CYFIP2: variants seen among roughly 807,000 people sequenced by gnomAD.
CYFIP2 encodes cytoplasmic FMR1-interacting protein 2.
In CYFIP2, 29 loss-of-function variants were observed where a neutral mutation model predicts 158.7. That is an observed-to-expected ratio of 0.18 (90% CI 0.14 to 0.25). The LOEUF (loss-of-function observed/expected upper bound fraction) is 0.25. CYFIP2 is among the 10% of genes least tolerant of loss of function. The pLI is 1.00. For synonymous variants in CYFIP2, 585 were observed against 617.6 expected, an observed-to-expected ratio of 0.95 and a Z score of 0.78; for missense variants, 852 against 1,639.5, an observed-to-expected ratio of 0.52 and a Z score of 8.29.
chr5:157,345,995 G>A (rs1762660181), intron 23 of CYFIP2, among the ~76,000 whole-genome samples: 1 of 152,166 alleles, frequency 6.6e-6, no homozygotes, highest in Non-Finnish European at 1.5e-5. Context: ...AACCAAAGCA[G>A]TAATATTCAT....
chr5:157,301,239 A>G (rs1301607951), intron 6 of CYFIP2, among the ~76,000 whole-genome samples: 1 of 152,258 alleles, frequency 6.6e-6, no homozygotes, highest in Non-Finnish European at 1.5e-5. Flanking sequence ...ATTTTCTGCA[A>G]GAATCATAAA....
intron 30 of CYFIP2, 98 bp from the exon 31 acceptor site, chr5:157,392,735 A>G: frequency 7.5e-7 from 1 of 1,336,000 alleles, no homozygotes; most frequent in Non-Finnish European, 1.0e-6. Flanking sequence ...ATGATCACTG[A>G]TGCAGGGGAC....
intron 23 of CYFIP2, among the ~76,000 whole-genome samples, chr5:157,352,745 C>G (rs890911124): frequency 2.0e-5 from 3 of 152,164 alleles, no homozygotes; most frequent in African/African-American, 7.2e-5. Flanking sequence ...GTCAATGTAA[C>G]TTTCTTTGGA....
intron 9 of CYFIP2, among the ~76,000 whole-genome samples, chr5:157,309,061 T>A (rs1759483309): frequency 6.6e-6 from 1 of 152,202 alleles, no homozygotes; most frequent in South Asian, 2.1e-4. Flanking sequence ...CTTCTTGACT[T>A]CTAGCTGGTC....
chr5:157,389,453 G>T (rs1218303941), intron 29 of CYFIP2, 26 bp downstream of exon 29: 1 of 1,529,410 alleles, frequency 6.5e-7, no homozygotes, highest in Non-Finnish European at 8.8e-7. Context: ...AGAAGGCAGG[G>T]TTACCCCCAA....
In CYFIP2 at chr5:157,394,962, T is replaced by A. The variant is rs1460275998; in HGVS notation, c.*1962T>A. 1 of 152,856 alleles carries A rather than the reference T, an allele frequency of 6.5e-6. No homozygotes were observed. The highest frequency in any genetic ancestry group is 1.5e-5 in the Non-Finnish European group (1 of 68,538). The allele number at this position is 152,856 out of a possible 1,614,324, so 9.5% of individuals were successfully genotyped here. A position where few individuals can be genotyped will look rare whatever the true frequency, so the allele number is the denominator to read the frequency against. ...CTACATCTTTAGTCCTGTCTGAGGA[T>A]GGTAGCTGGCTCTCTGTAGCTGATA... On this transcript the variant is annotated 3_prime_UTR_variant, in exon 31 of 31. Transcript: ENST00000620254.
At chr5:157,356,042 A>G (rs906642977) in intron 23 of CYFIP2, among the ~76,000 whole-genome samples, 7 of 152,234 alleles carry the variant, frequency 4.6e-5, no homozygotes, top group African/African-American at 1.4e-4. Flanking sequence ...ATTGAAGTAT[A>G]GTCATATTCA....
At chr5:157,364,210 G>A in intron 26 of CYFIP2, 1 of 144,310 alleles carries the variant, frequency 6.9e-6, no homozygotes, top group African/African-American at 2.6e-5. Flanking sequence ...GTGGCGGGGG[G>A]GGGTGGGTCC....
intron 28 of CYFIP2, chr5:157,384,237 G>A (rs767395990): frequency 4.4e-6 from 2 of 454,994 alleles, no homozygotes; most frequent in Non-Finnish European, 8.9e-6. Flanking sequence ...GATTATGCAG[G>A]GAGCAGGAAG....
rs147011006 is a variant in CYFIP2 at position 157,330,808 on chromosome 5, G to T, written c.2223G>T (p.Pro741=). ...KNYGVIIPYP[P]SNRYETLLKQ... ...ATGGCGTCATCATTCCGTATCCACC[G>T]TCCAATCGCTATGAAACACTGCTGA... Residue 741 remains proline (P), a synonymous_variant, in exon 20 of 31, where the codon CCG becomes CCT. Transcript: ENST00000620254. 6.2e-7 allele frequency: 1 copy of T among 1,613,840 alleles called. No individual in the cohort carries two copies. The highest frequency in any genetic ancestry group is 1.3e-5 in the African/African-American group (1 of 74,916).
chr5:157,320,276 C>T (rs1039731391), intron 14 of CYFIP2, among the ~76,000 whole-genome samples: 1 of 152,178 alleles, frequency 6.6e-6, no homozygotes, highest in South Asian at 2.1e-4. Flanking sequence ...AAGTATGCAG[C>T]ACATCTAAGC....
intron 26 of CYFIP2, among the ~76,000 whole-genome samples, chr5:157,368,065 G>A (rs145743922): frequency 8.8e-4 from 134 of 152,164 alleles, no homozygotes; most frequent in African/African-American, 3.2e-3. Flanking sequence ...GCCGACCTCT[G>A]TTCACATTCT....
At chr5:157,276,810 G>A (rs938071261) in intron 1 of CYFIP2, among the ~76,000 whole-genome samples, 2 of 152,114 alleles carry the variant, frequency 1.3e-5, no homozygotes, top group African/African-American at 4.8e-5. Flanking sequence ...ATAATACCCA[G>A]ACCTGTGTTT....
At chr5:157,384,681 T>C in intron 28 of CYFIP2, 1 of 363,852 alleles carries the variant, frequency 2.7e-6, no homozygotes, top group South Asian at 2.0e-5. Flanking sequence ...GGCTCACACC[T>C]GTAATCCCAG....
chr5:157,376,888 C>T lies in CYFIP2; in HGVS notation c.3040-5702C>T, dbSNP rs150477239. ...GTTGCCTTTTAGACATCTTCTCTTC[C>T]GTGTCCACACACATCAGAAATTTAC... On this transcript the variant is annotated intron_variant, in intron 26 of 30. Transcript: ENST00000620254. 110 of 456,282 alleles carry T rather than the reference C, an allele frequency of 2.4e-4. No homozygotes were observed. The East Asian group carries it at 5.5e-3, about 23-fold the overall frequency. 28.3% of individuals were successfully genotyped at this position (456,282 alleles called of 1,614,324 possible). A position where few individuals can be genotyped will look rare whatever the true frequency, so the allele number is the denominator to read the frequency against.
chr5:157,382,146 TAC>T (rs1210935915), intron 26 of CYFIP2, among the ~76,000 whole-genome samples: 2 of 152,224 alleles, frequency 1.3e-5, no homozygotes, highest in African/African-American at 4.8e-5. Flanking sequence ...CATAGGCCTT[TAC>T]ACAGAGTCCT....
intron 11 of CYFIP2, among the ~76,000 whole-genome samples, chr5:157,313,163 A>C (rs189450374): frequency 1.3e-5 from 2 of 152,234 alleles, no homozygotes; most frequent in African/African-American, 4.8e-5. Context: ...GCAAATACTG[A>C]ATCATTGCTC....
At chr5:157,356,786 A>G (rs776745620) in intron 23 of CYFIP2, among the ~76,000 whole-genome samples, 5 of 152,214 alleles carry the variant, frequency 3.3e-5, no homozygotes, top group Non-Finnish European at 5.9e-5. Context: ...ACCTCAACCT[A>G]GTAGTCCTGG....
intron 10 of CYFIP2, chr5:157,310,982 C>G (rs1316258702): frequency 1.8e-5 from 8 of 455,804 alleles, no homozygotes; most frequent in African/African-American, 1.6e-4. Context: ...TTCATTCATT[C>G]ATTTCCTCTC....
Sources: gnomAD v4.1 joint callset for allele counts (sites outside exome capture counted in the v4.1 genomes callset) on GRCh38, gnomAD v4.1.1 for gene constraint, MANE v1.5 for transcripts, NCBI Gene and HGNC (gene_info 2026-07-23, HGNC 2026-07-21) for gene names.